Variants in SHANK2 observed in about 807,000 individuals in gnomAD.
SHANK2 encodes SH3 and multiple ankyrin repeat domains 2, also known as SH3 and multiple ankyrin repeat domains protein 2.
Under a neutral mutation model 133.7 loss-of-function variants are expected in SHANK2, and 43 were observed. That is an observed-to-expected ratio of 0.32 (90% confidence interval 0.25 to 0.41). The LOEUF (loss-of-function observed/expected upper bound fraction) is 0.41, where lower values mean the gene tolerates loss of function less well. Among genes scored for constraint, SHANK2 ranks in the 10% least tolerant of loss-of-function variants. The pLI is 1.00. For missense variants in SHANK2, 1,994 were observed against 2,235.8 expected, an observed-to-expected ratio of 0.89 and a Z score of 2.18; for synonymous variants, 1,017 against 952.8, an observed-to-expected ratio of 1.07 and a Z score of -1.24.
intron 10 of SHANK2, chr11:70,910,918 G>GCA (rs1555078871): frequency 6.8e-5 from 31 of 453,120 alleles, no homozygotes; most frequent in Non-Finnish European, 1.0e-4. Flanking sequence ...GTGTGTGCGC[G>GCA]TGCATGTGCA....
At chr11:70,952,239 C>A (rs1375020391) in intron 10 of SHANK2, among the ~76,000 whole-genome samples, 1 of 152,194 alleles carries the variant, frequency 6.6e-6, no homozygotes, top group Non-Finnish European at 1.5e-5. Context: ...CTTGGGGCGT[C>A]TCTCCTGGCC....
chr11:71,130,750 C>G (rs1952285453), intron 3 of SHANK2, among the ~76,000 whole-genome samples: 1 of 152,122 alleles, frequency 6.6e-6, no homozygotes, highest in East Asian at 1.9e-4. Flanking sequence ...GCCAAGAGAA[C>G]AAGGGGGAGG....
chr11:70,561,505 G>A (rs2059908139), intron 17 of SHANK2, among the ~76,000 whole-genome samples: 1 of 151,672 alleles, frequency 6.6e-6, no homozygotes, highest in South Asian at 2.1e-4. Context: ...TGATTGCTGT[G>A]AGCTTAATCA....
At chr11:71,134,225 A>G (rs1952393152) in intron 3 of SHANK2, among the ~76,000 whole-genome samples, 1 of 148,060 alleles carries the variant, frequency 6.8e-6, no homozygotes. Context: ...GTGCGGTGCC[A>G]CCCCATCACT....
rs189782694 is a variant in SHANK2 at position 70,682,631 on chromosome 11, A to C, written c.1853+16057T>G. ...AGTGGGCACTGTTGTTTTCTAAAAC[A>C]GACAATGAAGATGGGAGGGAGAGAG... On this transcript the variant is annotated intron_variant, in intron 15 of 25. Coordinates refer to ENST00000601538, the MANE Select transcript of SHANK2 (RefSeq NM_012309.5). Among the ~76,000 whole-genome samples the C allele has an allele frequency of 1.2e-4, 19 of 152,296 alleles. No individual in the cohort carries two copies. The East Asian group carries it at 3.5e-3, about 28-fold the overall frequency.
intron 2 of SHANK2, among the ~76,000 whole-genome samples, chr11:71,174,377 T>C (rs1200860270): frequency 1.3e-5 from 2 of 152,076 alleles, no homozygotes; most frequent in Non-Finnish European, 2.9e-5. Context: ...TGAGACCTCA[T>C]TTCTATAAAA....
In SHANK2 at chr11:70,830,136, C is replaced by G. The variant is rs908257638; in HGVS notation, c.1175-9454G>C. ...CAGACTCTGCCCCGACAAACGCAAACCTTTGTGCAGCCTCCAGGGCAGTTT... is the reference window on the plus strand; with the variant it reads ...CAGACTCTGCCCCGACAAACGCAAAGCTTTGTGCAGCCTCCAGGGCAGTTT... On this transcript the variant is annotated intron_variant, in intron 11 of 25. Coordinates refer to ENST00000601538, the MANE Select transcript of SHANK2 (RefSeq NM_012309.5). The surrounding 1 kb of genome is among the most constrained non-coding windows in gnomAD (Gnocchi z 4.4). Among the ~76,000 whole-genome samples, 1 of 152,176 alleles carries G rather than the reference C, an allele frequency of 6.6e-6. No homozygotes were observed. The highest frequency in any genetic ancestry group is 2.4e-5 in the African/African-American group (1 of 41,442).
At chr11:70,904,929 T>C (rs889059953) in intron 10 of SHANK2, among the ~76,000 whole-genome samples, 2 of 152,130 alleles carry the variant, frequency 1.3e-5, no homozygotes, top group Admixed American at 6.5e-5. Flanking sequence ...TCCCCAGCCA[T>C]GTAGAACTGT....
At chr11:71,066,399 G>A (rs1011123264) in intron 9 of SHANK2, among the ~76,000 whole-genome samples, 1 of 151,886 alleles carries the variant, frequency 6.6e-6, no homozygotes, top group African/African-American at 2.4e-5. Context: ...GAGCAGGGAA[G>A]GTGGGCAGGG....
At position 71,114,573 on chromosome 11, in the gene SHANK2, G is replaced by T. The variant is rs184657684; in HGVS notation, c.412-1209C>A. ...AATAAACCAGCTGTGAAATCGGAAA[G>T]TTCTGTGAAGCGCAGGCTGCACAGA... On this transcript the variant is annotated intron_variant, in intron 4 of 25. Coordinates refer to ENST00000601538, the MANE Select transcript of SHANK2 (RefSeq NM_012309.5). Among the ~76,000 whole-genome samples the T allele has an allele frequency of 3.3e-3, 499 of 152,326 alleles. 3 individuals carry two copies. Among genetic ancestry groups the T allele is most frequent in the African/African-American group, 0.011 (460 of 41,566 alleles).
At chr11:71,183,296 AACAGGCTGCCCG>A (rs1555114041) in intron 2 of SHANK2, among the ~76,000 whole-genome samples, 46 of 152,292 alleles carry the variant, frequency 3.0e-4, no homozygotes, top group African/African-American at 9.6e-4. Flanking sequence ...CCCTGGATGG[AACAGGCTGCCCG>A]ACTCATGCTG....
chr11:70,654,180 G>A (rs1555010920), intron 17 of SHANK2: 1 of 152,182 alleles, frequency 6.6e-6, no homozygotes, highest in Non-Finnish European at 1.5e-5. Context: ...GGCCACTTCA[G>A]GGCCAAGAAA....
chr11:70,501,527 C>T (rs1245353438), intron 20 of SHANK2, among the ~76,000 whole-genome samples: 2 of 152,342 alleles, frequency 1.3e-5, no homozygotes, highest in African/African-American at 4.8e-5. Context: ...CATGCCATCT[C>T]TGTGTGTTTC....
chr11:70,716,823 C>T (rs925754996), intron 14 of SHANK2, among the ~76,000 whole-genome samples: 5 of 152,108 alleles, frequency 3.3e-5, no homozygotes, highest in African/African-American at 1.2e-4. Flanking sequence ...ATCTCTTCAA[C>T]CGCAAAGCAA....
intron 10 of SHANK2, among the ~76,000 whole-genome samples, chr11:70,905,337 C>T (rs182252111): frequency 9.6e-4 from 147 of 152,340 alleles, no homozygotes; most frequent in African/African-American, 3.2e-3. Flanking sequence ...CCCGCACACC[C>T]TTCACTGAAC....
At chr11:71,111,495 G>A (rs1951891719) in intron 5 of SHANK2, among the ~76,000 whole-genome samples, 1 of 152,232 alleles carries the variant, frequency 6.6e-6, no homozygotes, top group Non-Finnish European at 1.5e-5. Flanking sequence ...CCCATCCAGA[G>A]CCAGTCTGGG....
chr11:70,679,264 G>T (rs1304243750), intron 15 of SHANK2, among the ~76,000 whole-genome samples: 2 of 152,232 alleles, frequency 1.3e-5, no homozygotes, highest in Non-Finnish European at 2.9e-5. Flanking sequence ...CAAGGAAGCT[G>T]CGGCTCAGAA....
At chr11:70,899,266 T>C (rs1331031161) in intron 10 of SHANK2, among the ~76,000 whole-genome samples, 4 of 152,044 alleles carry the variant, frequency 2.6e-5, no homozygotes, top group Non-Finnish European at 5.9e-5. Context: ...TGATAGTGAG[T>C]GAGTTCTCAT....
intron 14 of SHANK2, among the ~76,000 whole-genome samples, chr11:70,716,349 T>C (rs534232764): frequency 1.3e-5 from 2 of 151,608 alleles, no homozygotes; most frequent in African/African-American, 4.8e-5. Context: ...TAGGAATGGG[T>C]GGGGGCGGGA....
Sources: gnomAD v4.1 joint callset for allele counts (sites outside exome capture counted in the v4.1 genomes callset) on GRCh38, gnomAD v4.1.1 for gene constraint, Gnocchi (gnomAD v3.1) non-coding constraint, MANE v1.5 for transcripts, NCBI Gene and HGNC (gene_info 2026-07-23, HGNC 2026-07-21) for gene names.